Variants in KLF8 observed in about 807,000 individuals in gnomAD.
KLF8 encodes Krueppel-like factor 8.
In KLF8, 10 loss-of-function variants were observed where a neutral mutation model predicts 18.2. The observed-to-expected ratio is 0.55, with a 90% CI of 0.34 to 0.93. The LOEUF is 0.93. KLF8 is among the 40% of genes least tolerant of loss of function. The pLI, the probability that KLF8 is intolerant of heterozygous loss-of-function variation, is 0.02. For synonymous variants in KLF8, 109 were observed against 97.3 expected, an observed-to-expected ratio of 1.12 and a Z score of -0.71; for missense variants, 264 against 277.9, an observed-to-expected ratio of 0.95 and a Z score of 0.36.
At chrX:56,261,377 A>G (rs1478511997) in intron 2 of KLF8, among the ~76,000 whole-genome samples, 1 of 111,939 alleles carries the variant, frequency 8.9e-6, no homozygotes, top group African/African-American at 3.2e-5. Context: ...TGGGGAAAGT[A>G]GCTATTCTCT....
the KLF8 span, among the ~76,000 whole-genome samples, chrX:56,100,391 T>A: frequency 1.8e-5 from 2 of 111,975 alleles, no homozygotes; most frequent in African/African-American, 6.5e-5. Flanking sequence ...GTTGTTTGTA[T>A]GGCTAAGACA....
the KLF8 span, among the ~76,000 whole-genome samples, chrX:56,077,867 A>G: frequency 2.7e-5 from 3 of 110,218 alleles, no homozygotes; most frequent in African/African-American, 1.0e-4. Context: ...CGTCCCTTGT[A>G]AGTTGAATTC....
the KLF8 span, among the ~76,000 whole-genome samples, chrX:56,083,461 C>T: frequency 9.6e-3 from 1,074 of 111,807 alleles, 10 homozygotes; most frequent in African/African-American, 0.034. Flanking sequence ...AGAACATGCC[C>T]CCAATGTTTT....
the KLF8 span, among the ~76,000 whole-genome samples, chrX:55,996,961 G>A: frequency 2.7e-5 from 3 of 112,205 alleles, no homozygotes; most frequent in South Asian, 1.1e-3. Flanking sequence ...CATGCCTGAG[G>A]CACTGGGATG....
chrX:56,086,758 C>T, the KLF8 span, among the ~76,000 whole-genome samples: 3 of 110,468 alleles, frequency 2.7e-5, no homozygotes, highest in Non-Finnish European at 5.7e-5. Flanking sequence ...TTAAAGACAC[C>T]CCTTCTTGCA....
At chrX:56,181,839 C>A in the KLF8 span, among the ~76,000 whole-genome samples, 434 of 103,495 alleles carry the variant, frequency 4.2e-3, 1 homozygote, top group African/African-American at 0.016. Flanking sequence ...CACAGTCAGT[C>A]TGATTAGCTT....
At chrX:56,180,575 T>C in the KLF8 span, among the ~76,000 whole-genome samples, 2 of 111,680 alleles carry the variant, frequency 1.8e-5, no homozygotes, top group East Asian at 5.6e-4. Context: ...TTTTGATCTT[T>C]CCTGCTTTCT....
chrX:55,997,357 C>A, the KLF8 span, among the ~76,000 whole-genome samples: 1 of 112,089 alleles, frequency 8.9e-6, no homozygotes, highest in Non-Finnish European at 1.9e-5. Context: ...GACTGGAGTC[C>A]TGTTCCTGCT....
chrX:56,120,552 A>G, the KLF8 span, among the ~76,000 whole-genome samples: 1 of 110,764 alleles, frequency 9.0e-6, no homozygotes, highest in Admixed American at 9.6e-5. Flanking sequence ...GCTTTACCCC[A>G]TTTCCTCCAT....
chrX:56,020,735 G>A, the KLF8 span, among the ~76,000 whole-genome samples: 2 of 111,599 alleles, frequency 1.8e-5, no homozygotes, highest in Non-Finnish European at 3.8e-5. Flanking sequence ...TATATATGGT[G>A]AGAGTAGACT....
At chrX:55,922,069 G>T in the KLF8 span, among the ~76,000 whole-genome samples, 1 of 112,467 alleles carries the variant, frequency 8.9e-6, no homozygotes, top group Non-Finnish European at 1.9e-5. Context: ...ATTCCTCAAA[G>T]ACCTAGCAGC....
the KLF8 span, among the ~76,000 whole-genome samples, chrX:56,052,526 C>T: frequency 4.5e-5 from 5 of 111,735 alleles, no homozygotes; most frequent in East Asian, 5.6e-4. Flanking sequence ...GAATACCTGC[C>T]GTGTGAGGTG....
chrX:55,922,948 C>T, the KLF8 span, among the ~76,000 whole-genome samples: 1 of 111,836 alleles, frequency 8.9e-6, no homozygotes. Context: ...GGCAGAAATA[C>T]TATTTGACTT....
chrX:55,997,459 G>A, the KLF8 span, among the ~76,000 whole-genome samples: 8 of 111,576 alleles, frequency 7.2e-5, no homozygotes, highest in Non-Finnish European at 1.5e-4. Context: ...GTGCAAGAGT[G>A]TACTACTCCA....
chrX:55,973,365 T>C, the KLF8 span, among the ~76,000 whole-genome samples: 1 of 111,743 alleles, frequency 8.9e-6, no homozygotes, highest in Non-Finnish European at 1.9e-5. Flanking sequence ...GGGAAGTAAT[T>C]AAATTAAAGA....
the KLF8 span, among the ~76,000 whole-genome samples, chrX:55,946,529 A>T: frequency 1.8e-5 from 2 of 112,058 alleles, no homozygotes; most frequent in Non-Finnish European, 3.8e-5. Flanking sequence ...AAACCATAAA[A>T]ACCCTAGAAG....
At chrX:56,117,381 T>C in the KLF8 span, among the ~76,000 whole-genome samples, 7 of 111,767 alleles carry the variant, frequency 6.3e-5, no homozygotes, top group Non-Finnish European at 1.1e-4. Context: ...GCAAGTGCCT[T>C]AGACAAAATT....
chrX:56,057,749 C>T, the KLF8 span, among the ~76,000 whole-genome samples: 20 of 111,039 alleles, frequency 1.8e-4, no homozygotes, highest in Non-Finnish European at 5.7e-5. Flanking sequence ...TCCTCTAGGG[C>T]TAACGTCTCC....
the KLF8 span, among the ~76,000 whole-genome samples, chrX:56,184,307 G>A: frequency 1.8e-5 from 2 of 112,348 alleles, no homozygotes. Flanking sequence ...CAAGGCGGGA[G>A]TGAGCCTGGG....
Sources: allele counts gnomAD v4.1 joint callset (sites outside exome capture counted in the v4.1 genomes callset), GRCh38; gene constraint gnomAD v4.1.1; transcripts MANE v1.5; gene names NCBI Gene and HGNC (gene_info 2026-07-23, HGNC 2026-07-21).